Variants in EYS observed in about 807,000 individuals in gnomAD.
EYS encodes the protein EGF-like photoreceptor maintenance factor, also known as protein eyes shut homolog.
A neutral mutation model predicts 282.1 loss-of-function variants in EYS; 250 were observed. The observed-to-expected ratio is 0.89, with a 90% CI of 0.80 to 0.98. The LOEUF (loss-of-function observed/expected upper bound fraction) is 0.98, where lower values mean the gene tolerates loss of function less well. Among genes scored for constraint, EYS ranks in the 50% least tolerant of loss-of-function variants. EYS has a pLI of 0.00. For missense variants in EYS, 4,016 were observed against 3,709.0 expected (o/e 1.08, Z -2.15); for synonymous variants, 1,355 against 1,282.9 (o/e 1.06, Z -1.20).
intron 2 of EYS, among the ~76,000 whole-genome samples, chr6:65,573,296 A>C (rs1764545352): frequency 6.6e-6 from 1 of 152,280 alleles, no homozygotes; most frequent in East Asian, 1.9e-4. Flanking sequence ...AGAATACGCA[A>C]GATGTCAGTA....
chr6:64,927,547 C>T (rs1394601637), intron 15 of EYS, among the ~76,000 whole-genome samples: 2 of 151,914 alleles, frequency 1.3e-5, no homozygotes, highest in Admixed American at 1.3e-4. Flanking sequence ...TAAGAAAAAC[C>T]ACAACACTGA....
chr6:63,863,754 C>A (rs1414380829), intron 36 of EYS, among the ~76,000 whole-genome samples: 1 of 149,236 alleles, frequency 6.7e-6, no homozygotes, highest in African/African-American at 2.5e-5. Flanking sequence ...CGGCTCACTG[C>A]AACCTCACCC....
At chr6:63,951,522 T>C (rs999826842) in intron 35 of EYS, among the ~76,000 whole-genome samples, 2 of 152,078 alleles carry the variant, frequency 1.3e-5, no homozygotes, top group African/African-American at 4.8e-5. Flanking sequence ...ATCTTCCTTT[T>C]CTACCGACCC....
chr6:64,538,714 C>T (rs1401940767), intron 26 of EYS, among the ~76,000 whole-genome samples: 1 of 152,136 alleles, frequency 6.6e-6, no homozygotes, highest in Non-Finnish European at 1.5e-5. Context: ...GCTCAGCATG[C>T]ATCTCCTTTA....
chr6:64,125,699 T>G (rs1773758237), intron 31 of EYS, among the ~76,000 whole-genome samples: 1 of 144,898 alleles, frequency 6.9e-6, no homozygotes. Flanking sequence ...GGCAGGAGAA[T>G]GGCGTGAACC....
At chr6:65,106,877 T>C (rs148701967) in intron 12 of EYS, among the ~76,000 whole-genome samples, 1 of 152,186 alleles carries the variant, frequency 6.6e-6, no homozygotes, top group East Asian at 1.9e-4. Context: ...ATGTTACACA[T>C]CATGCACAAA....
intron 1 of EYS, among the ~76,000 whole-genome samples, chr6:65,658,875 T>C (rs779311090): frequency 1.6e-4 from 25 of 151,764 alleles, no homozygotes; most frequent in Non-Finnish European, 3.3e-4. Flanking sequence ...GAATACATTG[T>C]ATCTCATATA....
chr6:65,074,975 G>C (rs1774002847), intron 12 of EYS, among the ~76,000 whole-genome samples: 1 of 151,978 alleles, frequency 6.6e-6, no homozygotes, highest in South Asian at 2.1e-4. Context: ...AAATGAAATG[G>C]TATTAAAAGT....
At chr6:64,212,361 A>G (rs1765806021) in intron 31 of EYS, among the ~76,000 whole-genome samples, 1 of 152,016 alleles carries the variant, frequency 6.6e-6, no homozygotes, top group Admixed American at 6.6e-5. Context: ...CAAAGAAAAC[A>G]ATAAGTCCCA....
chr6:64,097,735 C>T lies in EYS; in HGVS notation c.6425-15733G>A, dbSNP rs186360489. The stretch of plus-strand genomic sequence containing the variant: ...TGATACCTTGCCCTGCTTTGGCTGA[C>T]GCTCGGTACACTGACATTGTCATGA... On this transcript the variant is annotated intron_variant, in intron 31 of 42. Transcript: ENST00000503581. Among the ~76,000 whole-genome samples, 815 of 152,210 alleles carry T rather than the reference C, an allele frequency of 5.4e-3. 2 individuals are homozygous for T. The highest frequency in any genetic ancestry group is 3.8e-3 in the Non-Finnish European group (259 of 68,024).
intron 29 of EYS, among the ~76,000 whole-genome samples, chr6:64,345,249 G>C (rs569497888): frequency 3.7e-4 from 55 of 150,266 alleles, no homozygotes; most frequent in African/African-American, 1.2e-3. Context: ...CCAAGTCAAT[G>C]CTAAGCCAAA....
At chr6:65,117,221 C>T (rs1775402033) in intron 12 of EYS, among the ~76,000 whole-genome samples, 1 of 152,150 alleles carries the variant, frequency 6.6e-6, no homozygotes, top group Admixed American at 6.5e-5. Flanking sequence ...ACCAAATGAA[C>T]CAAATGAATG....
intron 14 of EYS, among the ~76,000 whole-genome samples, chr6:64,966,591 T>A (rs375634975): frequency 6.6e-6 from 1 of 152,282 alleles, no homozygotes; most frequent in African/African-American, 2.4e-5. Flanking sequence ...TCTGTTCCAT[T>A]TCCTTTTCTA....
chr6:64,568,288 T>A (rs565165856), intron 26 of EYS, among the ~76,000 whole-genome samples: 22 of 152,144 alleles, frequency 1.4e-4, no homozygotes, highest in African/African-American at 4.8e-4. Flanking sequence ...AGACCCATGA[T>A]GGACAAGAAG....
chr6:63,981,095 C>T (rs909028218), intron 35 of EYS, among the ~76,000 whole-genome samples: 3 of 151,796 alleles, frequency 2.0e-5, no homozygotes, highest in Middle Eastern at 3.2e-3. Context: ...TGATGGCCCT[C>T]TGTGTCCTAC....
At chr6:65,077,232 G>A (rs1384564862) in intron 12 of EYS, among the ~76,000 whole-genome samples, 7 of 152,022 alleles carry the variant, frequency 4.6e-5, no homozygotes, top group African/African-American at 1.4e-4. Context: ...TCATCTATGT[G>A]TGGTTGTGGC....
At chr6:65,042,566 C>A (rs965283465) in intron 13 of EYS, among the ~76,000 whole-genome samples, 3 of 151,286 alleles carry the variant, frequency 2.0e-5, no homozygotes, top group South Asian at 2.1e-4. Flanking sequence ...ATTTGCACTA[C>A]TACACATATA....
intron 26 of EYS, among the ~76,000 whole-genome samples, chr6:64,462,920 G>C (rs1298787737): frequency 1.4e-5 from 2 of 147,972 alleles, no homozygotes; most frequent in African/African-American, 2.5e-5. Flanking sequence ...CTGCTTTCAA[G>C]TATAGCTTAT....
At chr6:65,288,066 T>C (rs1387742026) in intron 12 of EYS, among the ~76,000 whole-genome samples, 1 of 151,184 alleles carries the variant, frequency 6.6e-6, no homozygotes, top group Admixed American at 6.6e-5. Context: ...GCATTAGTTG[T>C]TAAATAAAAT....
Sources: gnomAD v4.1 joint callset for allele counts (sites outside exome capture counted in the v4.1 genomes callset) on GRCh38, gnomAD v4.1.1 for gene constraint, MANE v1.5 for transcripts, NCBI Gene and HGNC (gene_info 2026-07-23, HGNC 2026-07-21) for gene names.